The following ZNF839 variants were observed in gnomAD, a reference collection of about 807,000 sequenced individuals.
The protein encoded by ZNF839 is renal carcinoma antigen NY-REN-50.
In ZNF839, 38 loss-of-function variants were observed where a neutral mutation model predicts 56.4. That is an observed-to-expected ratio of 0.67 (90% CI 0.52 to 0.88). The LOEUF (loss-of-function observed/expected upper bound fraction) is 0.88. ZNF839 is among the 40% of genes least tolerant of loss of function. The probability of loss-of-function intolerance (pLI) is 0.00; values close to 1 mark genes in which losing one functional copy is unlikely to be tolerated. For synonymous variants in ZNF839, 486 were observed against 493.5 expected, an observed-to-expected ratio of 0.98 and a Z score of 0.20; for missense variants, 1,091 against 1,177.6, an observed-to-expected ratio of 0.93 and a Z score of 1.08.
intron 1 of ZNF839, among the ~76,000 whole-genome samples, chr14:102,323,026 GAC>G (rs1237102337): frequency 6.6e-6 from 1 of 150,994 alleles, no homozygotes; most frequent in East Asian, 2.0e-4. Flanking sequence ...ATAACAGACA[GAC>G]GAGAGACACA....
intron 7 of ZNF839, 133 bp from the exon 8 acceptor site, chr14:102,341,189 AG>A: frequency 2.9e-6 from 3 of 1,042,924 alleles, no homozygotes; most frequent in Non-Finnish European, 3.9e-6. Flanking sequence ...ACCAATCCCA[AG>A]GAGCAAGGAG....
Position 102,326,176 on chromosome 14 carries a change from G to A in ZNF839, c.480G>A (p.Glu160=), listed in dbSNP as rs1231453443. The A allele has an allele frequency of 1.2e-6, 2 of 1,613,736 alleles. No individual in the cohort carries two copies. The highest frequency in any genetic ancestry group is 1.7e-6 in the Non-Finnish European group (2 of 1,179,744). ...LLRVQPLVRT[E]PQSCFLSDLC... The stretch of plus-strand genomic sequence containing the variant: ...GGGTACAGCCGCTTGTGAGAACCGA[G>A]CCACAGTCCTGCTTCCTAAGTGACT... The change falls in exon 2 of 8, where the codon GAG becomes GAA. Residue 160 remains glutamate, a synonymous_variant. Coordinates refer to ENST00000442396, the MANE Select transcript of ZNF839 (RefSeq NM_018335.6). This position sits in a 1 kb window ranked among gnomAD's most constrained non-coding sequence, Gnocchi z 4.3.
chr14:102,322,290 GCCTCA>G (rs1387408222), intron 1 of ZNF839, among the ~76,000 whole-genome samples: 3 of 152,214 alleles, frequency 2.0e-5, no homozygotes, highest in African/African-American at 7.2e-5. Context: ...AGATCTTGGG[GCCTCA>G]CCCCAGGAGA....
Position 102,326,447 on chromosome 14 carries a change from G to A in ZNF839, c.751G>A (p.Gly251Arg). 1.9e-6 allele frequency: 3 copies of A among 1,613,976 alleles called. No individual in the cohort carries two copies. The highest frequency in any genetic ancestry group is 2.5e-6 in the Non-Finnish European group (3 of 1,179,900). ...ATCGTTAAAAGTAAAGACACGTTCTGGACGGGTATCTCGACCTCCCAAATA... is the reference window on the plus strand; with the variant it reads ...ATCGTTAAAAGTAAAGACACGTTCTAGACGGGTATCTCGACCTCCCAAATA... ...KKSLKVKTRS[G>R]RVSRPPKYKA... The change falls in exon 2 of 8, where the codon GGA becomes AGA. Residue 251 changes from glycine (G) to arginine (R), a missense_variant. By Grantham distance (125) the Gly-to-Arg change is moderately radical. Transcript: ENST00000442396. This position sits in a 1 kb window ranked among gnomAD's most constrained non-coding sequence, Gnocchi z 4.3.
intron 2 of ZNF839, among the ~76,000 whole-genome samples, chr14:102,330,744 C>G (rs1296824250): frequency 2.0e-5 from 3 of 152,140 alleles, no homozygotes; most frequent in Non-Finnish European, 4.4e-5. Context: ...TCTCAAACTC[C>G]TGACCTCAGG....
chr14:102,339,058 C>G, intron 6 of ZNF839, 36 bp from the exon 7 acceptor site: 1 of 1,613,554 alleles, frequency 6.2e-7, no homozygotes, highest in Admixed American at 1.7e-5. Context: ...TTGCCTATTC[C>G]TTCCTATTCT....
In ZNF839 at chr14:102,331,803, C is replaced by T. The variant is rs1427498546; in HGVS notation, c.1373C>T (p.Ala458Val). Residue 458 changes from alanine to valine, a missense_variant, in exon 3 of 8, where the codon GCA becomes GTA. Physicochemically the swap from Ala to Val is moderately conservative, Grantham distance 64. Coordinates refer to ENST00000442396, the MANE Select transcript of ZNF839 (RefSeq NM_018335.6). ...AAQLPGGPAA[A>V]GEQRASPSKA... Reference sequence around the variant, plus strand: ...CAGCTACCTGGTGGCCCTGCTGCGGCAGGGGAGCAGAGGGCGTCGCCAAGC... The same window carrying T: ...CAGCTACCTGGTGGCCCTGCTGCGGTAGGGGAGCAGAGGGCGTCGCCAAGC... 1 of 1,590,900 alleles carries T rather than the reference C, an allele frequency of 6.3e-7. No homozygotes were observed. The highest frequency in any genetic ancestry group is 8.5e-7 in the Non-Finnish European group (1 of 1,169,886).
In ZNF839 at chr14:102,331,741, G is replaced by A. The variant is rs748350232; in HGVS notation, c.1311G>A (p.Glu437=). 1.4e-5 allele frequency: 23 copies of A among 1,604,964 alleles called. No individual in the cohort carries two copies. The highest frequency in any genetic ancestry group is 2.0e-5 in the Non-Finnish European group (23 of 1,175,844). ...GCGCATGCTCAGAGACCCTTGCAGA[G>A]TCCCGCACAGCTGTCCTCCAGCAGA... is the stretch of plus-strand genomic sequence containing the variant. The part of the protein sequence containing the change: ...RRRACSETLA[E]SRTAVLQQRR... The change falls in exon 3 of 8, where the codon GAG becomes GAA. Residue 437 remains glutamate (E), a synonymous_variant. Transcript: ENST00000442396.
At chr14:102,339,407 C>T (rs952262322) in intron 7 of ZNF839, among the ~76,000 whole-genome samples, 184 bp downstream of exon 7, 10 of 152,122 alleles carry the variant, frequency 6.6e-5, no homozygotes, top group African/African-American at 2.2e-4. Flanking sequence ...TCATTCCCTG[C>T]GAGTCTTGAG....
At chr14:102,325,107 T>G (rs1218055295) in intron 1 of ZNF839, among the ~76,000 whole-genome samples, 1 of 151,984 alleles carries the variant, frequency 6.6e-6, no homozygotes, top group Non-Finnish European at 1.5e-5. Context: ...ATCCCAGCAC[T>G]TCGGGAGGCC....
chr14:102,321,793 T>C, intron 1 of ZNF839, among the ~76,000 whole-genome samples: 1 of 152,164 alleles, frequency 6.6e-6, no homozygotes, highest in South Asian at 2.1e-4. Context: ...AAGTGGTATC[T>C]GAACTAGATT....
chr14:102,336,878 C>T (rs951402636), intron 5 of ZNF839: 34 of 206,306 alleles, frequency 1.6e-4, no homozygotes, highest in Admixed American at 5.6e-4. Flanking sequence ...GGACTACCGC[C>T]GTGTGTCACC....
intron 2 of ZNF839, among the ~76,000 whole-genome samples, chr14:102,329,588 T>C (rs1047295982): frequency 2.6e-5 from 4 of 151,778 alleles, no homozygotes; most frequent in African/African-American, 4.8e-5. Context: ...TTTCGCCATA[T>C]TCGCCAGGCT....
At chr14:102,334,699 G>A in intron 4 of ZNF839, 53 bp downstream of exon 4, 1 of 963,246 alleles carries the variant, frequency 1.0e-6, no homozygotes, top group Non-Finnish European at 1.5e-6. Context: ...AAGTTATTTA[G>A]AAATAATATT....
chr14:102,325,588 G>A (rs942146190), intron 1 of ZNF839, among the ~76,000 whole-genome samples: 7 of 151,726 alleles, frequency 4.6e-5, no homozygotes, highest in Non-Finnish European at 8.8e-5. Context: ...ACCTCCTCCC[G>A]GGTTCAAGCG....
Position 102,326,260 on chromosome 14 carries a change from C to T in ZNF839, c.564C>T (p.Val188=). The change falls in exon 2 of 8, where the codon GTC becomes GTT. Residue 188 remains valine, a synonymous_variant. Transcript: ENST00000442396. This position sits in a 1 kb window ranked among gnomAD's most constrained non-coding sequence, Gnocchi z 4.3. ...VQRPLPALQV[V]PAKRVPAPKA... is the part of the protein sequence containing the mutation. ...GACCACTGCCAGCCCTCCAGGTGGT[C>T]CCTGCAAAGAGAGTCCCAGCCCCCA... 11 of 1,613,812 alleles carry T rather than the reference C, an allele frequency of 6.8e-6. No individual in the cohort carries two copies. Among genetic ancestry groups the T allele is most frequent in the Non-Finnish European group, 9.3e-6 (11 of 1,179,816 alleles).
intron 1 of ZNF839, among the ~76,000 whole-genome samples, chr14:102,325,702 C>CCAGGTTGGT (rs1200206253): frequency 4.6e-5 from 7 of 151,970 alleles, no homozygotes; most frequent in Non-Finnish European, 7.4e-5. Context: ...ACCATGTTGG[C>CCAGGTTGGT]CAGGTTGGTC....
chr14:102,336,322 T>C (rs996148570), intron 5 of ZNF839, among the ~76,000 whole-genome samples: 1 of 151,804 alleles, frequency 6.6e-6, no homozygotes, highest in African/African-American at 2.4e-5. Flanking sequence ...GGAGATGGAG[T>C]CTTGCTCTGT....
chr14:102,336,811 G>A (rs893638353), intron 5 of ZNF839: 6 of 265,794 alleles, frequency 2.3e-5, no homozygotes, highest in African/African-American at 7.0e-5. Context: ...ACAGCTCACC[G>A]CAGCCTCAAC....
Sources: allele counts gnomAD v4.1 joint callset (sites outside exome capture counted in the v4.1 genomes callset), GRCh38; gene constraint gnomAD v4.1.1; non-coding constraint Gnocchi (gnomAD v3.1); transcripts MANE v1.5; gene names NCBI Gene and HGNC (gene_info 2026-07-23, HGNC 2026-07-21).